FKBP1B: variants seen among roughly 807,000 people sequenced by gnomAD.
The protein encoded by FKBP1B is FKBP prolyl isomerase 1B, also known as peptidyl-prolyl cis-trans isomerase FKBP1B.
FKBP1B carries 4 observed loss-of-function variants against 13.5 expected under a neutral mutation model. The observed-to-expected ratio is 0.30, with a 90% CI of 0.15 to 0.68. The LOEUF is 0.68. Ranked by LOEUF, FKBP1B falls within the 30% of genes least tolerant of loss-of-function variation. The pLI is 0.76. For missense variants in FKBP1B, 93 were observed against 136.2 expected, an observed-to-expected ratio of 0.68 and a Z score of 1.58; for synonymous variants, 54 against 53.6, an observed-to-expected ratio of 1.01 and a Z score of -0.03.
chr2:24,039,637 G>A, the FKBP1B span: 2 of 754,346 alleles, frequency 2.7e-6, no homozygotes, highest in Non-Finnish European at 4.2e-6. Flanking sequence ...AAAAGGACAG[G>A]GGGAGTATTA....
At chr2:24,040,363 T>A in the FKBP1B span, among the ~76,000 whole-genome samples, 1 of 152,190 alleles carries the variant, frequency 6.6e-6, no homozygotes, top group African/African-American at 2.4e-5. Context: ...AGTTAGAAAA[T>A]TTTCCAATTA....
chr2:24,034,097 T>C, the FKBP1B span, among the ~76,000 whole-genome samples: 1 of 152,232 alleles, frequency 6.6e-6, no homozygotes, highest in African/African-American at 2.4e-5. Flanking sequence ...ACTTTTCTCA[T>C]TACAAAAGGA....
intron 1 of FKBP1B, among the ~76,000 whole-genome samples, chr2:24,052,531 G>A (rs140062063): frequency 7.2e-5 from 11 of 152,236 alleles, no homozygotes; most frequent in African/African-American, 2.2e-4. Flanking sequence ...CCTTCTCCAA[G>A]AGGCCATCCT....
At chr2:24,047,388 T>A (rs895996300), upstream of FKBP1B, 35 of 152,046 alleles carry the variant, frequency 2.3e-4, no homozygotes, top group African/African-American at 8.0e-4. Context: ...ACATAAGAAG[T>A]TCTGGGCAGC....
chr2:24,051,417 C>G (rs560937927), intron 1 of FKBP1B, among the ~76,000 whole-genome samples: 1 of 152,184 alleles, frequency 6.6e-6, no homozygotes, highest in Non-Finnish European at 1.5e-5. Flanking sequence ...CCCTCTCCCC[C>G]AGGAGGGGCC....
At chr2:24,036,718 T>C in the FKBP1B span, among the ~76,000 whole-genome samples, 1 of 152,226 alleles carries the variant, frequency 6.6e-6, no homozygotes, top group East Asian at 1.9e-4. Context: ...ATAAAGAGCA[T>C]ACTCTCAGTA....
At chr2:24,040,931 G>A in the FKBP1B span, among the ~76,000 whole-genome samples, 9 of 151,574 alleles carry the variant, frequency 5.9e-5, no homozygotes, top group Admixed American at 1.3e-4. Context: ...CAGGAGAATC[G>A]TTTGAACTGG....
intron 1 of FKBP1B, among the ~76,000 whole-genome samples, chr2:24,052,016 G>A (rs1330171569): frequency 5.9e-5 from 9 of 152,140 alleles, no homozygotes; most frequent in Non-Finnish European, 1.3e-4. Context: ...GGAAATAGTT[G>A]CACTATTCAT....
chr2:24,038,910 G>C, the FKBP1B span: 2 of 1,614,224 alleles, frequency 1.2e-6, no homozygotes, highest in Non-Finnish European at 1.7e-6. Flanking sequence ...CCAGGCAGGA[G>C]GAGCACCTGT....
At chr2:24,047,599 C>T (rs1663669164), upstream of FKBP1B, among the ~76,000 whole-genome samples, 1 of 152,070 alleles carries the variant, frequency 6.6e-6, no homozygotes, top group Non-Finnish European at 1.5e-5. Context: ...AGTGGTAGTC[C>T]CCGTAAAACC....
chr2:24,058,679 T>C (rs2150968624), intron 2 of FKBP1B, among the ~76,000 whole-genome samples: 1 of 152,384 alleles, frequency 6.6e-6, no homozygotes, highest in East Asian at 1.9e-4. Flanking sequence ...TGAATGTATG[T>C]AGATCTGTGT....
chr2:24,062,868 C>A, intron 3 of FKBP1B, 196 bp from the exon 4 acceptor site: 1 of 742,824 alleles, frequency 1.3e-6, no homozygotes, highest in Non-Finnish European at 2.2e-6. Flanking sequence ...CCCACAGTCA[C>A]ATCTCTGCTG....
At chr2:24,043,473 C>A in the FKBP1B span, among the ~76,000 whole-genome samples, 9 of 151,060 alleles carry the variant, frequency 6.0e-5, no homozygotes, top group African/African-American at 1.5e-4. Context: ...GACAACACAG[C>A]AAGATACTGT....
chr2:24,060,796 C>T lies in FKBP1B; in HGVS notation c.86-18C>T, dbSNP rs757328057. 15 of 1,595,828 alleles carry T rather than the reference C, an allele frequency of 9.4e-6. No homozygotes were observed. Among genetic ancestry groups the T allele is most frequent in the Middle Eastern group, 1.7e-4 (1 of 6,022 alleles). On this transcript the variant is annotated intron_variant, in intron 2 of 3. Transcript: ENST00000380986. ...CTCATGACCACAGCTCTATTGCACC[C>T]GATTCTTGCTTTGACAGGAATGCTC...
intron 1 of FKBP1B, among the ~76,000 whole-genome samples, chr2:24,053,287 A>ATT (rs34185660): frequency 1.9e-3 from 207 of 110,116 alleles, no homozygotes; most frequent in South Asian, 5.6e-3. Flanking sequence ...AATTGAAAAG[A>ATT]TTTTTTTTTT....
chr2:24,061,239 T>C (rs1041745660), intron 3 of FKBP1B, among the ~76,000 whole-genome samples: 10 of 151,834 alleles, frequency 6.6e-5, no homozygotes, highest in Non-Finnish European at 1.5e-4. Flanking sequence ...CCGAATGGGG[T>C]GGATCAGTTG....
the FKBP1B span, chr2:24,037,723 A>T: frequency 1.2e-6 from 2 of 1,613,992 alleles, no homozygotes; most frequent in Non-Finnish European, 1.7e-6. Context: ...GAGTGGATAC[A>T]CTGAAGAGGA....
the FKBP1B span, among the ~76,000 whole-genome samples, chr2:24,041,849 ACT>A: frequency 9.2e-6 from 1 of 108,244 alleles, no homozygotes; most frequent in African/African-American, 3.7e-5. Context: ...CAAAAGTGAA[ACT>A]CTGTCTCAAA....
chr2:24,037,708 T>C, the FKBP1B span: 321 of 1,613,632 alleles, frequency 2.0e-4, 2 homozygotes, highest in African/African-American at 3.7e-3. Context: ...AGGAAGATCT[T>C]GAGAGAGTGG....
Sources: allele counts gnomAD v4.1 joint callset (sites outside exome capture counted in the v4.1 genomes callset), GRCh38; gene constraint gnomAD v4.1.1; transcripts MANE v1.5; gene names NCBI Gene and HGNC (gene_info 2026-07-23, HGNC 2026-07-21).